The following LMBR1 variants were observed in gnomAD, a reference collection of about 807,000 sequenced individuals.
LMBR1 encodes limb region 1 protein homolog.
A neutral mutation model predicts 73.9 loss-of-function variants in LMBR1; 52 were observed. The ratio of observed to expected loss-of-function variants is 0.70; its 90% CI spans 0.56 to 0.89. The LOEUF is 0.89. Ranked by LOEUF, LMBR1 falls within the 40% of genes least tolerant of loss-of-function variation. LMBR1 has a pLI of 0.00. For synonymous variants in LMBR1, 215 were observed against 209.4 expected, an observed-to-expected ratio of 1.03 and a Z score of -0.23; for missense variants, 539 against 579.8, an observed-to-expected ratio of 0.93 and a Z score of 0.72.
intron 1 of LMBR1, among the ~76,000 whole-genome samples, chr7:156,852,300 G>A (rs947485662): frequency 3.9e-5 from 6 of 152,060 alleles, no homozygotes; most frequent in Non-Finnish European, 8.8e-5. Context: ...GTCAATATAC[G>A]TGTTCAATGT....
chr7:156,759,898 A>G (rs1335864636), intron 8 of LMBR1, among the ~76,000 whole-genome samples: 1 of 152,160 alleles, frequency 6.6e-6, no homozygotes, highest in Admixed American at 6.6e-5. Context: ...CACACAGTCT[A>G]AGCTAATTCC....
chr7:156,669,617 G>A lies in LMBR1; in HGVS notation n.867-330C>T, dbSNP rs1802018690. On this transcript the variant is annotated intron_variant and non_coding_transcript_variant, in intron 4 of 4. Coordinates refer to the LMBR1 transcript ENST00000430825. This position sits in a 1 kb window ranked among gnomAD's most constrained non-coding sequence, Gnocchi z 4.2. ...CGCTGAGCAGATAGGTCATTTTCAA[G>A]AGGGCGACCCACAGCCACGTGAACA... Among the ~76,000 whole-genome samples the A allele has an allele frequency of 6.6e-6, 1 of 152,190 alleles. No individual in the cohort carries two copies. Among genetic ancestry groups the A allele is most frequent in the Non-Finnish European group, 1.5e-5 (1 of 68,036 alleles).
intron 8 of LMBR1, among the ~76,000 whole-genome samples, chr7:156,759,011 G>A (rs1420571821): frequency 6.6e-6 from 1 of 152,124 alleles, no homozygotes; most frequent in Non-Finnish European, 1.5e-5. Context: ...GGGCTAATGG[G>A]GGCTTAAATA....
intron 4 of LMBR1, among the ~76,000 whole-genome samples, chr7:156,820,346 G>T (rs541715167): frequency 1.6e-4 from 25 of 152,248 alleles, no homozygotes; most frequent in African/African-American, 5.8e-4. Context: ...TACGTCAAGG[G>T]TATATAAATT....
At chr7:156,829,087 C>A (rs1381609845) in intron 3 of LMBR1, among the ~76,000 whole-genome samples, 1 of 152,172 alleles carries the variant, frequency 6.6e-6, no homozygotes, top group Admixed American at 6.5e-5. Context: ...TACAATCCGA[C>A]CCCAGCCAAC....
chr7:156,828,290 T>G (rs1458931636), intron 3 of LMBR1, among the ~76,000 whole-genome samples: 1 of 152,112 alleles, frequency 6.6e-6, no homozygotes, highest in Non-Finnish European at 1.5e-5. Flanking sequence ...GTCTACTCAC[T>G]CCCTAGAATA....
intron 10 of LMBR1, among the ~76,000 whole-genome samples, chr7:156,733,587 T>C (rs1234415002): frequency 1.3e-5 from 2 of 151,714 alleles, no homozygotes; most frequent in Non-Finnish European, 2.9e-5. Flanking sequence ...GACACAGCTA[T>C]AGACGCTAAT....
chr7:156,713,434 A>G (rs1812519288), intron 15 of LMBR1, among the ~76,000 whole-genome samples: 1 of 152,150 alleles, frequency 6.6e-6, no homozygotes, highest in Non-Finnish European at 1.5e-5. Context: ...AACTGTAACC[A>G]ATGTGCCACT....
intron 5 of LMBR1, among the ~76,000 whole-genome samples, chr7:156,787,154 G>A (rs1054806965): frequency 2.0e-5 from 3 of 152,020 alleles, no homozygotes; most frequent in Admixed American, 6.6e-5. Flanking sequence ...TTGCCTGAGC[G>A]CTTCTTACTG....
At chr7:156,725,726 T>G (rs761941404) in intron 13 of LMBR1, 38 bp downstream of exon 13, 1 of 1,579,162 alleles carries the variant, frequency 6.3e-7, no homozygotes, top group Non-Finnish European at 8.7e-7. Context: ...GGTATAAAAT[T>G]TGTGGATAGG....
chr7:156,740,932 A>G (rs1317577060), intron 9 of LMBR1, among the ~76,000 whole-genome samples: 1 of 152,248 alleles, frequency 6.6e-6, no homozygotes, highest in Non-Finnish European at 1.5e-5. Context: ...ATCAAAAATA[A>G]TAACTACAAC....
intron 1 of LMBR1, among the ~76,000 whole-genome samples, chr7:156,841,312 G>A (rs1838665141): frequency 1.3e-5 from 2 of 152,004 alleles, no homozygotes; most frequent in South Asian, 4.1e-4. Flanking sequence ...GGCTGGATGG[G>A]CAGTTGGATA....
chr7:156,743,581 AG>A (rs1242412089), intron 9 of LMBR1, among the ~76,000 whole-genome samples: 1 of 152,230 alleles, frequency 6.6e-6, no homozygotes, highest in East Asian at 1.9e-4. Flanking sequence ...TCAAGTTGAC[AG>A]GAAGACTGGT....
chr7:156,788,455 T>C (rs1440366959), intron 5 of LMBR1, among the ~76,000 whole-genome samples: 1 of 152,058 alleles, frequency 6.6e-6, no homozygotes, highest in Admixed American at 6.5e-5. Flanking sequence ...TTAAGCAATC[T>C]ATGACTAGGA....
chr7:156,858,917 G>A (rs941647846), intron 1 of LMBR1, among the ~76,000 whole-genome samples: 34 of 151,896 alleles, frequency 2.2e-4, no homozygotes, highest in African/African-American at 8.0e-4. Context: ...ACTTGATAAA[G>A]AATGTCTACA....
At chr7:156,889,301 C>G (rs981583483) in intron 1 of LMBR1, among the ~76,000 whole-genome samples, 15 of 152,054 alleles carry the variant, frequency 9.9e-5, no homozygotes, top group Non-Finnish European at 2.1e-4. Flanking sequence ...GTGGTGGTTG[C>G]ACAACAATGT....
chr7:156,680,369 T>TGAGAGAGAGAGA lies in LMBR1; in HGVS notation c.*3708_*3709insTCTCTCTCTCTC, dbSNP rs1427653790. 1.6e-4 allele frequency: 12 copies of TGAGAGAGAGAGA among 77,264 alleles called. No homozygotes were observed. The highest frequency in any genetic ancestry group is 2.7e-4 in the Non-Finnish European group (10 of 37,446). 4.8% of individuals were successfully genotyped at this position (77,264 alleles called of 1,614,324 possible). On this transcript the variant is annotated 3_prime_UTR_variant, in exon 17 of 17. Transcript: ENST00000353442. ...TGTTAAATTTTTGCTTATACGTATCTGAGAGACAGAGAGAGAGAGAGAGAG... is the reference window on the plus strand; with the variant it reads ...TGTTAAATTTTTGCTTATACGTATCTGAGAGAGAGAGAGAGAGACAGAGAGAGAGAGAGAGAG...
chr7:156,670,533 AGAAGCCCAAG>A lies in LMBR1; in HGVS notation n.867-1256_867-1247del, dbSNP rs1230790319. Among the ~76,000 whole-genome samples the A allele has an allele frequency of 2.6e-5, 4 of 152,250 alleles. No homozygotes were observed. Among genetic ancestry groups the A allele is most frequent in the South Asian group, 2.1e-4 (1 of 4,832 alleles). ...GAAGAAGATACAAGCCACAGATTTA[AGAAGCCCAAG>A]GAAGCCCAATATGATTTTGTTTTAA... On this transcript the variant is annotated intron_variant and non_coding_transcript_variant, in intron 4 of 4. Coordinates refer to the LMBR1 transcript ENST00000430825. The surrounding 1 kb of genome is among the most constrained non-coding windows in gnomAD (Gnocchi z 4.3).
At chr7:156,890,634 T>C (rs1802740318) in intron 1 of LMBR1, among the ~76,000 whole-genome samples, 1 of 152,218 alleles carries the variant, frequency 6.6e-6, no homozygotes, top group African/African-American at 2.4e-5. Context: ...ATTATTTGTA[T>C]GATGAACACT....
Sources: gnomAD v4.1 joint callset for allele counts (sites outside exome capture counted in the v4.1 genomes callset) on GRCh38, gnomAD v4.1.1 for gene constraint, Gnocchi (gnomAD v3.1) non-coding constraint, MANE v1.5 for transcripts, NCBI Gene and HGNC (gene_info 2026-07-23, HGNC 2026-07-21) for gene names.